BMPR2: variants seen among roughly 807,000 people sequenced by gnomAD.
The protein encoded by BMPR2 is bone morphogenetic protein receptor type 2, also known as bone morphogenetic protein receptor type-2.
In BMPR2, 29 loss-of-function variants were observed where a neutral mutation model predicts 100.8. That is an observed-to-expected ratio of 0.29 (90% CI 0.21 to 0.39). BMPR2 has a LOEUF of 0.39. Among genes scored for constraint, BMPR2 ranks in the 10% least tolerant of loss-of-function variants. BMPR2 has a pLI of 1.00. For synonymous variants in BMPR2, 382 were observed against 442.3 expected (o/e 0.86, Z 1.71); for missense variants, 1,011 against 1,274.5 (o/e 0.79, Z 3.15).
intron 1 of BMPR2, among the ~76,000 whole-genome samples, chr2:202,390,333 G>A (rs1574422921): frequency 2.3e-5 from 3 of 132,530 alleles, no homozygotes; most frequent in African/African-American, 8.4e-5. Context: ...TTTCTTTCGT[G>A]TTTTTTTTTT....
At chr2:202,456,338 C>T (rs1418057011) in intron 1 of BMPR2, among the ~76,000 whole-genome samples, 1 of 149,822 alleles carries the variant, frequency 6.7e-6, no homozygotes, top group Non-Finnish European at 1.5e-5. Flanking sequence ...CGCCCAGCTG[C>T]CCAGCTAAGT....
At chr2:202,557,155 A>AC (rs1179917037) in intron 12 of BMPR2, among the ~76,000 whole-genome samples, 2 of 151,364 alleles carry the variant, frequency 1.3e-5, no homozygotes, top group Non-Finnish European at 2.9e-5. Context: ...ACATGGTGAA[A>AC]CCCCGTCTCT....
Position 202,567,190 on chromosome 2 carries a change from G to T in BMPR2, c.*7244G>T, listed in dbSNP as rs1688777195. ...ATTGTAAAATACACTAACTCTTAGGGTGTTGTAGTAGCTGAAACATGGAGA... is the reference window on the plus strand; with the variant it reads ...ATTGTAAAATACACTAACTCTTAGGTTGTTGTAGTAGCTGAAACATGGAGA... On this transcript the variant is annotated 3_prime_UTR_variant, in exon 13 of 13. Coordinates refer to ENST00000374580, the MANE Select transcript of BMPR2 (RefSeq NM_001204.7). The T allele has an allele frequency of 6.6e-6, 1 of 152,566 alleles. No homozygotes were observed. Among genetic ancestry groups the T allele is most frequent in the South Asian group, 2.1e-4 (1 of 4,838 alleles). The allele number at this position is 152,566 out of a possible 1,614,324, so 9.5% of individuals were successfully genotyped here.
intron 10 of BMPR2, among the ~76,000 whole-genome samples, chr2:202,547,297 T>C (rs1327710609): frequency 6.6e-6 from 1 of 152,176 alleles, no homozygotes; most frequent in East Asian, 1.9e-4. Flanking sequence ...AGCCTCGAAC[T>C]CCTAAAGTGC....
intron 3 of BMPR2, among the ~76,000 whole-genome samples, chr2:202,511,879 G>A (rs1028185161): frequency 6.6e-6 from 1 of 151,962 alleles, no homozygotes; most frequent in Non-Finnish European, 1.5e-5. Context: ...AAATTATCCA[G>A]GTGTGGTGCT....
At position 202,377,307 on chromosome 2, in the gene BMPR2, A is replaced by G; in HGVS notation, c.-168A>G. ...TGAAGGGAATTTCTGCAGCGGCATG[A>G]AAGCTCTGCAGCTAGGTCCTCTCAT... On this transcript the variant is annotated 5_prime_UTR_variant, in exon 1 of 13. An upstream open reading frame in the 5' UTR loses its in-frame stop. Transcript: ENST00000374580. The G allele has an allele frequency of 1.4e-6, 1 of 708,528 alleles. No individual in the cohort carries two copies. The highest frequency in any genetic ancestry group is 1.6e-5 in the South Asian group (1 of 64,318). 43.9% of individuals were successfully genotyped at this position (708,528 alleles called of 1,614,324 possible).
At chr2:202,484,073 T>C (rs916721518) in intron 3 of BMPR2, among the ~76,000 whole-genome samples, 9 of 152,170 alleles carry the variant, frequency 5.9e-5, no homozygotes, top group Admixed American at 5.9e-4. Flanking sequence ...TGAGAGAGTA[T>C]CTTACTCTAT....
At chr2:202,392,240 T>C (rs1350901730) in intron 1 of BMPR2, among the ~76,000 whole-genome samples, 1 of 152,052 alleles carries the variant, frequency 6.6e-6, no homozygotes, top group Non-Finnish European at 1.5e-5. Context: ...TGGCTGGTTT[T>C]TGTATTTTTT....
chr2:202,534,905 A>AC lies in BMPR2; in HGVS notation c.1276+2180dup, dbSNP rs1324040622. Reference sequence around the variant, plus strand: ...GGGCGGCTGGCCGGGCGGGGGGCTGACCCCCCCACCTCCCTCCCGGACGGG... The same window carrying AC: ...GGGCGGCTGGCCGGGCGGGGGGCTGACCCCCCCCACCTCCCTCCCGGACGGG... On this transcript the variant is annotated intron_variant, in intron 9 of 12. Transcript: ENST00000374580. Among the ~76,000 whole-genome samples the AC allele has an allele frequency of 8.0e-4, 87 of 108,774 alleles. 3 individuals are homozygous for AC. Among genetic ancestry groups the AC allele is most frequent in the African/African-American group, 2.1e-3 (54 of 26,130 alleles). The allele number at this position is 108,774 out of a possible 152,430, so 71.4% of individuals were successfully genotyped here.
At chr2:202,550,351 C>T (rs1450366731) in intron 10 of BMPR2, among the ~76,000 whole-genome samples, 3 of 138,490 alleles carry the variant, frequency 2.2e-5, no homozygotes, top group Admixed American at 8.0e-5. Flanking sequence ...GCAGCCTGGG[C>T]GACAGAGCGA....
In BMPR2 at chr2:202,503,845, G is replaced by A. The variant is rs113952623; in HGVS notation, c.419-9874G>A. Among the ~76,000 whole-genome samples the A allele has an allele frequency of 0.017, 2,564 of 152,326 alleles. 39 individuals are homozygous for A. Among genetic ancestry groups the A allele is most frequent in the Middle Eastern group, 0.034 (10 of 294 alleles). ...GCCAGCTGGGCTCCTGAGTCTGGTG[G>A]GGACATGGAGAACCTTTATGTCTAG... On this transcript the variant is annotated intron_variant, in intron 3 of 12. Coordinates refer to ENST00000374580, the MANE Select transcript of BMPR2 (RefSeq NM_001204.7). This position sits in a 1 kb window ranked among gnomAD's most constrained non-coding sequence, Gnocchi z 4.0.
chr2:202,442,376 T>C (rs1306547810), intron 1 of BMPR2, among the ~76,000 whole-genome samples: 3 of 150,652 alleles, frequency 2.0e-5, no homozygotes. Flanking sequence ...TTGTAGTCTT[T>C]TGTGATTAAC....
chr2:202,459,765 G>A (rs527717883), intron 1 of BMPR2, among the ~76,000 whole-genome samples: 144 of 152,276 alleles, frequency 9.5e-4, no homozygotes, highest in Non-Finnish European at 1.7e-3. Context: ...AAAGCAAAAC[G>A]AGATTTAATT....
At chr2:202,450,014 G>T (rs1451000553) in intron 1 of BMPR2, among the ~76,000 whole-genome samples, 1 of 152,210 alleles carries the variant, frequency 6.6e-6, no homozygotes, top group African/African-American at 2.4e-5. Context: ...GGGGGCTGAG[G>T]CAGGGGAATT....
intron 3 of BMPR2, among the ~76,000 whole-genome samples, chr2:202,492,675 G>A (rs1429972514): frequency 7.0e-6 from 1 of 142,236 alleles, no homozygotes; most frequent in Non-Finnish European, 1.5e-5. Flanking sequence ...ACTCTAGCCT[G>A]GGCGACAATA....
chr2:202,482,531 G>A (rs925194179), intron 3 of BMPR2, among the ~76,000 whole-genome samples: 1 of 151,478 alleles, frequency 6.6e-6, no homozygotes, highest in African/African-American at 2.4e-5. Context: ...ATGACCCCAT[G>A]CCTGTCTAAT....
At chr2:202,462,287 T>A (rs1692238792) in intron 1 of BMPR2, among the ~76,000 whole-genome samples, 1 of 151,056 alleles carries the variant, frequency 6.6e-6, no homozygotes, top group Non-Finnish European at 1.5e-5. Context: ...TGGAGTGCAG[T>A]GGCGTGGTCT....
chr2:202,513,645 A>AATT, intron 3 of BMPR2, 74 bp from the exon 4 acceptor site: 1 of 1,102,356 alleles, frequency 9.1e-7, no homozygotes, highest in Non-Finnish European at 1.4e-6. Flanking sequence ...AGCCTTTCTA[A>AATT]AGGGCAGTCT....
intron 1 of BMPR2, among the ~76,000 whole-genome samples, chr2:202,458,309 C>T (rs1430050254): frequency 4.8e-5 from 4 of 82,596 alleles, no homozygotes; most frequent in Non-Finnish European, 1.0e-4. Flanking sequence ...AAAAAAAAAA[C>T]GCACACAAAA....
Sources: gnomAD v4.1 joint callset for allele counts (sites outside exome capture counted in the v4.1 genomes callset) on GRCh38, gnomAD v4.1.1 for gene constraint, Gnocchi (gnomAD v3.1) non-coding constraint, MANE v1.5 for transcripts, NCBI Gene and HGNC (gene_info 2026-07-23, HGNC 2026-07-21) for gene names.